PRKDC: variants seen among roughly 807,000 people sequenced by gnomAD.
The protein encoded by PRKDC is DNA-dependent protein kinase catalytic subunit.
In PRKDC, 82 loss-of-function variants were observed where a neutral mutation model predicts 486.9. The observed-to-expected ratio is 0.17, with a 90% CI of 0.14 to 0.20. The LOEUF (loss-of-function observed/expected upper bound fraction) is 0.20, where lower values mean the gene tolerates loss of function less well. Ranked by LOEUF, PRKDC falls within the 10% of genes least tolerant of loss-of-function variation. PRKDC has a pLI of 1.00. For missense variants in PRKDC, 4,504 were observed against 5,038.2 expected (o/e 0.89, Z 3.21); for synonymous variants, 1,895 against 1,837.0 (o/e 1.03, Z -0.81).
intron 7 of PRKDC, among the ~76,000 whole-genome samples, chr8:47,946,390 G>T (rs2090532447): frequency 1.3e-5 from 2 of 151,958 alleles, no homozygotes; most frequent in African/African-American, 4.8e-5. Flanking sequence ...TCCATTACAA[G>T]ATTTGTCTAG....
At chr8:47,818,484 C>T (rs971196876) in intron 67 of PRKDC, among the ~76,000 whole-genome samples, 1 of 145,570 alleles carries the variant, frequency 6.9e-6, no homozygotes, top group African/African-American at 2.6e-5. Context: ...GAGGCTGAGG[C>T]AGGAGAATGG....
At chr8:47,881,242 C>T (rs1263172198) in intron 38 of PRKDC, among the ~76,000 whole-genome samples, 174 bp downstream of exon 38, 3 of 152,006 alleles carry the variant, frequency 2.0e-5, no homozygotes, top group African/African-American at 7.3e-5. Flanking sequence ...ACAAACACAC[C>T]CACACAGGAT....
At chr8:47,896,818 G>C (rs984892929) in intron 30 of PRKDC, among the ~76,000 whole-genome samples, 2 of 152,118 alleles carry the variant, frequency 1.3e-5, no homozygotes, top group African/African-American at 4.8e-5. Context: ...ATCAAACCTA[G>C]GTTTGGACTT....
chr8:47,895,515 A>G (rs2089558263), intron 30 of PRKDC, among the ~76,000 whole-genome samples: 1 of 152,144 alleles, frequency 6.6e-6, no homozygotes, highest in Non-Finnish European at 1.5e-5. Flanking sequence ...AAGAAATCCT[A>G]TGTGCTACCA....
At chr8:47,934,939 A>G in intron 14 of PRKDC, 70 bp downstream of exon 14, 1 of 1,271,256 alleles carries the variant, frequency 7.9e-7, no homozygotes, top group Non-Finnish European at 1.1e-6. Context: ...TTATATTCGA[A>G]AACCTCAGCA....
chr8:47,799,013 G>C (rs1028202082), intron 72 of PRKDC, among the ~76,000 whole-genome samples, 197 bp downstream of exon 72: 1 of 152,116 alleles, frequency 6.6e-6, no homozygotes, highest in Non-Finnish European at 1.5e-5. Flanking sequence ...GTTTCACCAC[G>C]TTGGCCAGGC....
intron 3 of PRKDC, among the ~76,000 whole-genome samples, chr8:47,956,838 AG>A (rs1409722858): frequency 6.6e-6 from 1 of 151,694 alleles, no homozygotes; most frequent in Non-Finnish European, 1.5e-5. Flanking sequence ...CAGGGAGCCC[AG>A]GGTGCCACTG....
intron 35 of PRKDC, among the ~76,000 whole-genome samples, chr8:47,887,239 AGAG>A (rs1383917310): frequency 3.9e-5 from 6 of 152,224 alleles, no homozygotes; most frequent in Admixed American, 1.3e-4. Context: ...ACCACCAAGG[AGAG>A]GAGAAGAGGC....
At chr8:47,901,457 G>A (rs926518957) in intron 27 of PRKDC, among the ~76,000 whole-genome samples, 3 of 152,164 alleles carry the variant, frequency 2.0e-5, no homozygotes, top group African/African-American at 7.2e-5. Flanking sequence ...CTGGGTGACA[G>A]AGCAAGACTC....
At chr8:47,933,864 A>T in intron 15 of PRKDC, 101 bp downstream of exon 15, 1 of 1,279,476 alleles carries the variant, frequency 7.8e-7, no homozygotes. Flanking sequence ...TAAACTTTTG[A>T]AAGTTAGTAA....
intron 21 of PRKDC, among the ~76,000 whole-genome samples, chr8:47,919,193 A>C (rs1430183238): frequency 6.6e-6 from 1 of 152,184 alleles, no homozygotes; most frequent in Non-Finnish European, 1.5e-5. Context: ...GAATGTTTTT[A>C]ATTCAGGACA....
intron 7 of PRKDC, among the ~76,000 whole-genome samples, chr8:47,947,894 C>T (rs1426517006): frequency 6.6e-6 from 1 of 151,764 alleles, no homozygotes; most frequent in Non-Finnish European, 1.5e-5. Context: ...GGTGACAGGG[C>T]AAGACTCAAG....
chr8:47,779,358 A>G (rs915749646), intron 80 of PRKDC: 3 of 337,868 alleles, frequency 8.9e-6, no homozygotes, highest in Non-Finnish European at 1.6e-5. Flanking sequence ...CAGATCCAAC[A>G]AATTTCCCAC....
Position 47,920,144 on chromosome 8 carries a change from C to G in PRKDC, c.2420-1761G>C, listed in dbSNP as rs547465102. 6.6e-5 allele frequency among the ~76,000 whole-genome samples: 10 copies of G among 152,320 alleles called. No homozygotes were observed. The East Asian group carries it at 1.9e-3, about 29-fold the overall frequency. ...ACGATGCTTATCACTGGCTTGCTGTCAATAAATATGTGGGTAAATCTCTGT... is the reference window on the plus strand; with the variant it reads ...ACGATGCTTATCACTGGCTTGCTGTGAATAAATATGTGGGTAAATCTCTGT... On this transcript the variant is annotated intron_variant, in intron 21 of 85. Coordinates refer to ENST00000314191, the MANE Select transcript of PRKDC (RefSeq NM_006904.7).
At chr8:47,844,068 TCTAAAGGC>T (rs1484379140) in intron 54 of PRKDC, among the ~76,000 whole-genome samples, 1 of 152,156 alleles carries the variant, frequency 6.6e-6, no homozygotes, top group Admixed American at 6.5e-5. Context: ...ATGTAAATGG[TCTAAAGGC>T]CCCTCTTAAA....
chr8:47,857,228 T>C lies in PRKDC; in HGVS notation c.6537A>G (p.Gly2179=). 1.2e-6 allele frequency: 2 copies of C among 1,613,994 alleles called. No individual in the cohort carries two copies. Among genetic ancestry groups the C allele is most frequent in the Non-Finnish European group, 1.7e-6 (2 of 1,179,876 alleles). The change falls in exon 49 of 86, where the codon GGA becomes GGG. Residue 2179 remains glycine, a synonymous_variant. Coordinates refer to ENST00000314191, the MANE Select transcript of PRKDC (RefSeq NM_006904.7). ...CAACCACCATGTAGTGAATTCCTTC[T>C]CCTCCATTGTTTTCAGAAGCAGCCA... ...LQLAASENNG[G]EGIHYMVVEI...
intron 73 of PRKDC, among the ~76,000 whole-genome samples, chr8:47,797,776 G>A (rs2087011962): frequency 6.6e-6 from 1 of 152,206 alleles, no homozygotes; most frequent in African/African-American, 2.4e-5. Context: ...TCCATACGCT[G>A]ACCCCTCACT....
rs886373077 is a variant in PRKDC, at chr8:47,927,296, G to A, written c.2317C>T (p.Leu773=). 4 of 1,613,582 alleles carry A rather than the reference G, an allele frequency of 2.5e-6. No individual in the cohort carries two copies. Among genetic ancestry groups the A allele is most frequent in the East Asian group, 2.2e-5 (1 of 44,880 alleles). ...TPLAEVGLNA[L]EEWSIYIDRH... The stretch of plus-strand genomic sequence containing the variant: ...TCAATATAAATTGACCATTCTTCTA[G>A]AGCATTCAGGCCTACTTCTGCCAAG... Residue 773 remains leucine (L), a synonymous_variant, in exon 21 of 86, where the codon CTA becomes TTA. Transcript: ENST00000314191.
At chr8:47,864,475 T>G in intron 41 of PRKDC, 81 bp downstream of exon 41, 1 of 1,290,774 alleles carries the variant, frequency 7.7e-7, no homozygotes, top group Non-Finnish European at 1.1e-6. Flanking sequence ...AGAGGCCATG[T>G]GACTGAGCAC....
Sources: gnomAD v4.1 joint callset for allele counts (sites outside exome capture counted in the v4.1 genomes callset) on GRCh38, gnomAD v4.1.1 for gene constraint, MANE v1.5 for transcripts, NCBI Gene and HGNC (gene_info 2026-07-23, HGNC 2026-07-21) for gene names.